Variants in USP7 observed in about 807,000 individuals in gnomAD.
USP7 encodes the protein ubiquitin C-terminal hydrolase 7.
Under a neutral mutation model 162.9 loss-of-function variants are expected in USP7, and 9 were observed. The observed-to-expected ratio is 0.06, with a 90% CI of 0.03 to 0.10. The LOEUF is 0.10. USP7 is among the 10% of genes least tolerant of loss of function. The pLI, the probability that USP7 is intolerant of heterozygous loss-of-function variation, is 1.00. For synonymous variants in USP7, 562 were observed against 475.9 expected, an observed-to-expected ratio of 1.18 and a Z score of -2.35; for missense variants, 715 against 1,373.7, an observed-to-expected ratio of 0.52 and a Z score of 7.58.
intron 14 of USP7, among the ~76,000 whole-genome samples, chr16:8,904,959 G>A (rs937591395): frequency 2.0e-5 from 3 of 152,102 alleles, no homozygotes; most frequent in East Asian, 3.9e-4. Context: ...GCAAGAGCAA[G>A]ACTCCGTCTC....
intron 2 of USP7, among the ~76,000 whole-genome samples, chr16:8,929,774 A>T (rs1789024661): frequency 6.6e-6 from 1 of 152,248 alleles, no homozygotes; most frequent in South Asian, 2.1e-4. Context: ...GCACATACAT[A>T]TGAGTATGCT....
chr16:8,904,622 G>A (rs189242435), intron 14 of USP7, 57 bp from the exon 15 acceptor site: 1 of 1,593,822 alleles, frequency 6.3e-7, no homozygotes, highest in East Asian at 2.2e-5. Flanking sequence ...CCTCTTAGAA[G>A]CTCCCGATTC....
intron 1 of USP7, among the ~76,000 whole-genome samples, chr16:8,937,574 C>T (rs1898821948): frequency 6.6e-6 from 1 of 151,968 alleles, no homozygotes. Context: ...GTGGTGCACA[C>T]CTGTAATCCC....
intron 1 of USP7, among the ~76,000 whole-genome samples, chr16:8,943,668 G>GA (rs1433560171): frequency 2.0e-4 from 30 of 152,346 alleles, no homozygotes; most frequent in South Asian, 8.3e-4. Flanking sequence ...CATATGGGTA[G>GA]AGTCGAATGG....
intron 16 of USP7, 92 bp from the exon 17 acceptor site, chr16:8,902,574 T>C (rs922477033): frequency 9.9e-7 from 1 of 1,006,070 alleles, no homozygotes; most frequent in Non-Finnish European, 1.5e-6. Context: ...CATATACATA[T>C]ATATATATAG....
chr16:8,958,999 C>A (rs765975143), intron 1 of USP7, among the ~76,000 whole-genome samples: 3 of 152,170 alleles, frequency 2.0e-5, no homozygotes, highest in African/African-American at 7.2e-5. Context: ...GGTGTGTGCC[C>A]CACTTTAGTT....
intron 1 of USP7, among the ~76,000 whole-genome samples, chr16:8,950,229 G>A (rs953338514): frequency 6.6e-6 from 1 of 152,030 alleles, no homozygotes; most frequent in African/African-American, 2.4e-5. Context: ...GACAGCGAAG[G>A]TCTAGAAATA....
intron 1 of USP7, chr16:8,962,612 C>G (rs1384611751): frequency 3.3e-6 from 1 of 300,790 alleles, no homozygotes; most frequent in African/African-American, 2.2e-5. Context: ...CAGGTGGATT[C>G]GGAAACCAAC....
chr16:8,944,657 G>A (rs1031985126), intron 1 of USP7, among the ~76,000 whole-genome samples: 1 of 152,148 alleles, frequency 6.6e-6, no homozygotes, highest in Non-Finnish European at 1.5e-5. Context: ...TTTGCACCAT[G>A]TCACAGGCTG....
At chr16:8,915,038 G>A (rs968394355) in intron 10 of USP7, among the ~76,000 whole-genome samples, 4 of 152,198 alleles carry the variant, frequency 2.6e-5, no homozygotes, top group African/African-American at 9.7e-5. Flanking sequence ...GTGAGGAGAG[G>A]GGAGGTGGTG....
chr16:8,933,548 T>C (rs150351455), intron 1 of USP7, among the ~76,000 whole-genome samples: 295 of 152,176 alleles, frequency 1.9e-3, no homozygotes, highest in African/African-American at 6.6e-3. Flanking sequence ...CTACTAGAGA[T>C]TAGGGTTACA....
intron 2 of USP7, chr16:8,929,279 C>T (rs971607628): frequency 3.0e-5 from 10 of 338,480 alleles, no homozygotes; most frequent in Admixed American, 4.0e-5. Context: ...CAACAACCAG[C>T]GAGACCACAC....
At chr16:8,912,009 C>T (rs1016264381) in intron 10 of USP7, among the ~76,000 whole-genome samples, 3 of 152,148 alleles carry the variant, frequency 2.0e-5, no homozygotes, top group African/African-American at 7.2e-5. Flanking sequence ...AACCTGTTCT[C>T]CCACCTAGCA....
intron 1 of USP7, among the ~76,000 whole-genome samples, chr16:8,935,201 A>ATTTT (rs35380091): frequency 1.2e-4 from 16 of 136,396 alleles, no homozygotes; most frequent in African/African-American, 3.5e-4. Context: ...TAAGGCACTA[A>ATTTT]TTTTTTTTTT....
intron 1 of USP7, among the ~76,000 whole-genome samples, chr16:8,948,746 G>A (rs1032128483): frequency 3.3e-5 from 5 of 151,968 alleles, no homozygotes; most frequent in Admixed American, 6.6e-5. Context: ...ACAACACAAC[G>A]ATAAAAGCAG....
At chr16:8,910,397 AAC>A (rs553532539) in intron 11 of USP7, among the ~76,000 whole-genome samples, 56 of 152,296 alleles carry the variant, frequency 3.7e-4, no homozygotes, top group African/African-American at 1.3e-3. Flanking sequence ...ACACAACCTA[AAC>A]ACAGTCCAAC....
chr16:8,923,590 G>A (rs1041822017), intron 2 of USP7, among the ~76,000 whole-genome samples, 177 bp from the exon 3 acceptor site: 1 of 152,196 alleles, frequency 6.6e-6, no homozygotes, highest in South Asian at 2.1e-4. Flanking sequence ...TACAGTTTCT[G>A]AATGGATTAA....
Position 8,923,411 on chromosome 16 carries a change from T to C in USP7, c.187A>G (p.Thr63Ala). Residue 63 changes from threonine to alanine, a missense_variant and splice_region_variant, in exon 3 of 31, where the codon ACC becomes GCC. Thr to Ala is a moderately conservative substitution (Grantham distance 58). Transcript: ENST00000344836. ...AAGGTTGCCTCGGAGCGCCAACTGG[T>C]GTCTGCAAAAAAAACACATCATCAG... Reference protein sequence around the residue: ...NTAEEDMEDDTSWRSEATFQF... With the variant: ...NTAEEDMEDDASWRSEATFQF... 1.2e-6 allele frequency: 2 copies of C among 1,613,584 alleles called. No individual in the cohort carries two copies. The highest frequency in any genetic ancestry group is 1.7e-6 in the Non-Finnish European group (2 of 1,179,796).
rs149443314 is a variant in USP7, at chr16:8,962,953, C to T, written c.79+254G>A. ...GCGCTCGAATTTACAACTCAGGGCG[C>T]TTTGTGCCGCGGAGGCCCGGCGGAC... On this transcript the variant is annotated intron_variant, in intron 1 of 30. Transcript: ENST00000344836. The T allele has an allele frequency of 4.8e-3, 1,022 of 211,602 alleles. 10 individuals carry two copies. Among genetic ancestry groups the T allele is most frequent in the African/African-American group, 0.023 (976 of 43,106 alleles). 13.1% of individuals were successfully genotyped at this position (211,602 alleles called of 1,614,324 possible).
Sources: allele counts gnomAD v4.1 joint callset (sites outside exome capture counted in the v4.1 genomes callset), GRCh38; gene constraint gnomAD v4.1.1; transcripts MANE v1.5; gene names NCBI Gene and HGNC (gene_info 2026-07-23, HGNC 2026-07-21).